The following SLIT1 variants were observed in gnomAD, a reference collection of about 807,000 sequenced individuals.
SLIT1 encodes slit homolog 1 protein.
SLIT1 carries 66 observed loss-of-function variants against 186.1 expected under a neutral mutation model. That is an observed-to-expected ratio of 0.35 (90% CI 0.29 to 0.44). The LOEUF (loss-of-function observed/expected upper bound fraction) is 0.44, where lower values mean the gene tolerates loss of function less well. SLIT1 is among the 20% of genes least tolerant of loss of function. The pLI, the probability that SLIT1 is intolerant of heterozygous loss-of-function variation, is 1.00. For missense variants in SLIT1, 1,638 were observed against 2,037.4 expected, an observed-to-expected ratio of 0.80 and a Z score of 3.77; for synonymous variants, 761 against 833.8, an observed-to-expected ratio of 0.91 and a Z score of 1.50.
intron 13 of SLIT1, among the ~76,000 whole-genome samples, chr10:97,054,307 T>G (rs543427242): frequency 6.6e-6 from 1 of 151,640 alleles, no homozygotes; most frequent in African/African-American, 2.4e-5. Flanking sequence ...TGCCTACCCT[T>G]GCTTCGCCTT....
Position 97,064,170 on chromosome 10 carries a change from G to T in SLIT1, c.627C>A (p.Thr209=). 6.2e-7 allele frequency: 1 copy of T among 1,612,608 alleles called. No individual in the cohort carries two copies. Among genetic ancestry groups the T allele is most frequent in the Non-Finnish European group, 8.5e-7 (1 of 1,179,390 alleles). Reference sequence around the variant, plus strand: ...CCCAGCTGCCCCGGCTGACTCACAAGGTCCGTAGCTTGGGCATATGGTTGA... The same window carrying T: ...CCCAGCTGCCCCGGCTGACTCACAATGTCCGTAGCTTGGGCATATGGTTGA... ...SSFNHMPKLR[T]FRLHSNHLFC... is the part of the protein sequence containing the mutation. The change falls in exon 7 of 37, where the codon ACC becomes ACA. Residue 209 remains threonine (T), a splice_region_variant and synonymous_variant. Transcript: ENST00000266058.
chr10:97,076,640 A>G (rs1355430993), intron 4 of SLIT1, among the ~76,000 whole-genome samples: 1 of 152,258 alleles, frequency 6.6e-6, no homozygotes, highest in African/African-American at 2.4e-5. Context: ...ATTCACCTTC[A>G]AGGTGGGTTC....
chr10:97,063,428 G>A, intron 8 of SLIT1, 27 bp downstream of exon 8: 1 of 1,610,902 alleles, frequency 6.2e-7, no homozygotes. Flanking sequence ...CCGGACAGTT[G>A]AGAGCCCGGC....
chr10:97,126,768 G>C (rs1228947732), intron 4 of SLIT1, among the ~76,000 whole-genome samples: 1 of 152,202 alleles, frequency 6.6e-6, no homozygotes, highest in Non-Finnish European at 1.5e-5. Flanking sequence ...CTCACAGGCT[G>C]TTAGATCTGG....
At chr10:97,109,419 G>A (rs1345055736) in intron 4 of SLIT1, among the ~76,000 whole-genome samples, 2 of 152,080 alleles carry the variant, frequency 1.3e-5, no homozygotes, top group African/African-American at 2.4e-5. Flanking sequence ...AAGGAAGAAA[G>A]TAGGGCAGAA....
intron 3 of SLIT1, among the ~76,000 whole-genome samples, chr10:97,161,436 G>A (rs1589416506): frequency 6.6e-6 from 1 of 152,286 alleles, no homozygotes; most frequent in East Asian, 1.9e-4. Context: ...GGGCAACGAG[G>A]CAATCGGATT....
chr10:97,182,483 C>T (rs1850351747), intron 1 of SLIT1, among the ~76,000 whole-genome samples: 1 of 152,214 alleles, frequency 6.6e-6, no homozygotes, highest in South Asian at 2.1e-4. Flanking sequence ...CTCACCAAGG[C>T]CTCTTTCAAG....
intron 1 of SLIT1, among the ~76,000 whole-genome samples, chr10:97,174,134 C>T (rs1850226498): frequency 6.6e-6 from 1 of 152,172 alleles, no homozygotes; most frequent in East Asian, 1.9e-4. Context: ...CCCAGGTGCC[C>T]ACTTATCTCC....
chr10:97,149,339 C>G (rs144643187), intron 4 of SLIT1, among the ~76,000 whole-genome samples: 4 of 152,204 alleles, frequency 2.6e-5, no homozygotes. Context: ...GAAAGCACTT[C>G]GAGAATCCAG....
intron 4 of SLIT1, among the ~76,000 whole-genome samples, chr10:97,082,030 G>A (rs973745621): frequency 6.6e-6 from 1 of 152,190 alleles, no homozygotes; most frequent in Non-Finnish European, 1.5e-5. Context: ...TGAGCCTCAA[G>A]GGACCCACCC....
intron 28 of SLIT1, among the ~76,000 whole-genome samples, chr10:97,017,085 C>T (rs559044269): frequency 2.6e-5 from 4 of 152,316 alleles, no homozygotes; most frequent in South Asian, 2.1e-4. Context: ...AGCCCACTCC[C>T]GCAGCCCGCA....
intron 4 of SLIT1, among the ~76,000 whole-genome samples, chr10:97,126,115 A>G (rs1589403265): frequency 6.6e-6 from 1 of 152,228 alleles, no homozygotes. Context: ...TTTTCATTTT[A>G]TATGTCTCCG....
chr10:97,106,423 T>C (rs948398790), intron 4 of SLIT1, among the ~76,000 whole-genome samples: 4 of 152,086 alleles, frequency 2.6e-5, no homozygotes, highest in Non-Finnish European at 5.9e-5. Context: ...AATGAATGAA[T>C]GAATGAAGCC....
At chr10:97,085,779 G>A (rs2817685) in intron 4 of SLIT1, among the ~76,000 whole-genome samples, 84,048 of 152,162 alleles carry the variant, frequency 0.55, 25,411 homozygotes, top group East Asian at 0.82. Context: ...AGAAGGGCAA[G>A]GGCCATGGAT....
chr10:97,174,298 C>T (rs1408987989), intron 1 of SLIT1, among the ~76,000 whole-genome samples: 1 of 152,254 alleles, frequency 6.6e-6, no homozygotes, highest in Non-Finnish European at 1.5e-5. Flanking sequence ...ATAGTAGGTG[C>T]TCACTGAATA....
rs1273561364 is a variant in SLIT1 at position 97,046,802 on chromosome 10, G to A, written c.1710-5C>T. ...ACCTTGTTGTTGCTCAGATTGCTGG[G>A]AGAAGAGGCGGGGGGAGGATTACAT... On this transcript the variant is annotated splice_region_variant and splice_polypyrimidine_tract_variant and intron_variant, in intron 17 of 36. Coordinates refer to ENST00000266058, the MANE Select transcript of SLIT1 (RefSeq NM_003061.3). 1.2e-6 allele frequency: 2 copies of A among 1,611,256 alleles called. No individual in the cohort carries two copies. The highest frequency in any genetic ancestry group is 1.7e-6 in the Non-Finnish European group (2 of 1,179,976).
intron 4 of SLIT1, among the ~76,000 whole-genome samples, chr10:97,142,931 T>G (rs1027549614): frequency 1.3e-5 from 2 of 152,086 alleles, no homozygotes; most frequent in Non-Finnish European, 2.9e-5. Context: ...AAAACCATGA[T>G]GACATATCAC....
chr10:97,155,313 G>A (rs1205529271), intron 4 of SLIT1: 4 of 152,490 alleles, frequency 2.6e-5, no homozygotes, highest in African/African-American at 9.7e-5. Context: ...GGGGATCCAG[G>A]TTTCCCAGAC....
intron 4 of SLIT1, among the ~76,000 whole-genome samples, chr10:97,098,611 T>TACA (rs1251118382): frequency 6.6e-6 from 1 of 152,176 alleles, no homozygotes; most frequent in Non-Finnish European, 1.5e-5. Context: ...CCCAAGGCCT[T>TACA]TGAATGCCAT....
Sources: allele counts gnomAD v4.1 joint callset (sites outside exome capture counted in the v4.1 genomes callset), GRCh38; gene constraint gnomAD v4.1.1; transcripts MANE v1.5; gene names NCBI Gene and HGNC (gene_info 2026-07-23, HGNC 2026-07-21).